MAPK10: variants seen among roughly 807,000 people sequenced by gnomAD.
MAPK10 encodes JNK3 alpha protein kinase.
A neutral mutation model predicts 59.3 loss-of-function variants in MAPK10; 25 were observed. That is an observed-to-expected ratio of 0.42 (90% CI 0.31 to 0.59). The LOEUF (loss-of-function observed/expected upper bound fraction) is 0.59. MAPK10 is among the 20% of genes least tolerant of loss of function. The pLI is 0.15. For missense variants in MAPK10, 351 were observed against 568.9 expected, an observed-to-expected ratio of 0.62 and a Z score of 3.90; for synonymous variants, 190 against 200.5, an observed-to-expected ratio of 0.95 and a Z score of 0.44.
intron 2 of MAPK10, among the ~76,000 whole-genome samples, chr4:86,199,590 A>G (rs1369659837): frequency 6.6e-6 from 1 of 152,034 alleles, no homozygotes; most frequent in Non-Finnish European, 1.5e-5. Flanking sequence ...GCCACTGGGA[A>G]GGGGCGTGCA....
intron 3 of MAPK10, chr4:86,192,444 A>G (rs548930551): frequency 2.7e-4 from 41 of 152,084 alleles, no homozygotes; most frequent in African/African-American, 9.4e-4. Context: ...ACATAGTCCT[A>G]TATTTCTTGG....
At chr4:86,418,933 T>C (rs867181296) in intron 1 of MAPK10, among the ~76,000 whole-genome samples, 4 of 152,190 alleles carry the variant, frequency 2.6e-5, no homozygotes, top group Non-Finnish European at 4.4e-5. Context: ...GAAACCCAAA[T>C]ATCATATGGG....
At chr4:86,578,116 A>G in intron 1 of MAPK10, among the ~76,000 whole-genome samples, 1 of 152,146 alleles carries the variant, frequency 6.6e-6, no homozygotes, top group African/African-American at 2.4e-5. Flanking sequence ...AGTGGTTTTC[A>G]ACTGGGGGTG....
chr4:86,078,602 T>TAC (rs1488636694), intron 9 of MAPK10, among the ~76,000 whole-genome samples: 40 of 149,352 alleles, frequency 2.7e-4, no homozygotes, highest in South Asian at 1.5e-3. Flanking sequence ...TATATATATA[T>TAC]ATACACACAC....
chr4:86,438,655 A>G (rs1279734106), intron 1 of MAPK10, among the ~76,000 whole-genome samples: 3 of 151,002 alleles, frequency 2.0e-5, no homozygotes, highest in African/African-American at 7.3e-5. Context: ...GTGTCTTTGC[A>G]CTGCAGCCTG....
chr4:86,318,229 G>A (rs1711769736), intron 2 of MAPK10, among the ~76,000 whole-genome samples: 1 of 152,086 alleles, frequency 6.6e-6, no homozygotes, highest in Admixed American at 6.6e-5. Flanking sequence ...TTATATAGCA[G>A]CTAACCTATT....
intron 1 of MAPK10, among the ~76,000 whole-genome samples, chr4:86,593,119 G>A (rs1763206396): frequency 6.6e-6 from 1 of 152,166 alleles, no homozygotes; most frequent in Non-Finnish European, 1.5e-5. Context: ...GAAAACTCAA[G>A]TGCTCGCCAA....
At chr4:86,078,830 A>C (rs1310553691) in intron 9 of MAPK10, among the ~76,000 whole-genome samples, 1 of 152,042 alleles carries the variant, frequency 6.6e-6, no homozygotes, top group Non-Finnish European at 1.5e-5. Context: ...TCTCTACTAA[A>C]AATACAAAAG....
At chr4:86,266,589 C>A (rs2094246021) in intron 2 of MAPK10, among the ~76,000 whole-genome samples, 1 of 152,130 alleles carries the variant, frequency 6.6e-6, no homozygotes, top group Non-Finnish European at 1.5e-5. Flanking sequence ...TGGTACACAT[C>A]ATAAAAATAT....
At chr4:86,401,225 T>C (rs1259494446) in intron 1 of MAPK10, among the ~76,000 whole-genome samples, 2 of 152,172 alleles carry the variant, frequency 1.3e-5, no homozygotes, top group East Asian at 3.8e-4. Flanking sequence ...TGGACTCCTG[T>C]ATATAGAATA....
chr4:86,226,899 T>A (rs17011526), intron 2 of MAPK10, among the ~76,000 whole-genome samples: 2 of 152,206 alleles, frequency 1.3e-5, no homozygotes, highest in Non-Finnish European at 1.5e-5. Context: ...ATAGGTCCTC[T>A]ATGTGAGACA....
chr4:86,123,079 A>G (rs548829487), intron 4 of MAPK10, among the ~76,000 whole-genome samples: 1 of 152,226 alleles, frequency 6.6e-6, no homozygotes, highest in Non-Finnish European at 1.5e-5. Flanking sequence ...AAATCCATGC[A>G]TAACTTTTTC....
chr4:86,556,282 C>T (rs1760260920), intron 1 of MAPK10, among the ~76,000 whole-genome samples: 1 of 152,136 alleles, frequency 6.6e-6, no homozygotes, highest in South Asian at 2.1e-4. Flanking sequence ...ATCAAATTCC[C>T]TGAGGACAAA....
chr4:86,357,999 T>C, intron 1 of MAPK10: 1 of 873,914 alleles, frequency 1.1e-6, no homozygotes, highest in Non-Finnish European at 1.4e-6. Context: ...AAACCCAGTT[T>C]GCTCCACATA....
chr4:86,573,636 A>T (rs1761633390), intron 1 of MAPK10, among the ~76,000 whole-genome samples: 1 of 152,204 alleles, frequency 6.6e-6, no homozygotes, highest in African/African-American at 2.4e-5. Flanking sequence ...AAAGCTGCTT[A>T]TATCTTGATT....
intron 1 of MAPK10, among the ~76,000 whole-genome samples, chr4:86,490,649 C>T (rs973501189): frequency 3.3e-5 from 5 of 152,226 alleles, no homozygotes; most frequent in African/African-American, 9.7e-5. Flanking sequence ...CACACCAAGC[C>T]AGTTCCCTGG....
intron 3 of MAPK10, among the ~76,000 whole-genome samples, chr4:86,190,288 T>A (rs1269673841): frequency 6.6e-6 from 1 of 152,162 alleles, no homozygotes; most frequent in African/African-American, 2.4e-5. Context: ...GAGTCCCTCT[T>A]TTTCTATTGT....
intron 2 of MAPK10, among the ~76,000 whole-genome samples, chr4:86,245,144 T>C (rs2092995947): frequency 6.6e-6 from 1 of 152,194 alleles, no homozygotes. Context: ...TCATATTCAG[T>C]ACCTGGGTAG....
At chr4:86,461,614 C>T (rs567679871) in intron 1 of MAPK10, among the ~76,000 whole-genome samples, 1 of 152,126 alleles carries the variant, frequency 6.6e-6, no homozygotes, top group East Asian at 1.9e-4. Flanking sequence ...CCTTTTCACA[C>T]TGATGATGAG....
Sources: allele counts gnomAD v4.1 joint callset (sites outside exome capture counted in the v4.1 genomes callset), GRCh38; gene constraint gnomAD v4.1.1; transcripts MANE v1.5; gene names NCBI Gene and HGNC (gene_info 2026-07-23, HGNC 2026-07-21).